Variants in RTN1 observed in about 807,000 individuals in gnomAD.
RTN1 encodes the protein reticulon-1.
A neutral mutation model predicts 65.5 loss-of-function variants in RTN1; 25 were observed. The observed-to-expected ratio is 0.38, with a 90% CI of 0.28 to 0.53. The LOEUF is 0.53. Ranked by LOEUF, RTN1 falls within the 20% of genes least tolerant of loss-of-function variation. RTN1 has a pLI of 0.79. For synonymous variants in RTN1, 471 were observed against 447.6 expected (o/e 1.05, Z -0.66); for missense variants, 983 against 1,025.4 (o/e 0.96, Z 0.57).
At chr14:59,867,798 C>G (rs1887824906) in intron 1 of RTN1, among the ~76,000 whole-genome samples, 1 of 152,128 alleles carries the variant, frequency 6.6e-6, no homozygotes, top group Non-Finnish European at 1.5e-5. Flanking sequence ...TAAGTTACTT[C>G]TTAGTTTGAG....
chr14:59,669,456 G>T (rs1052013613), intron 3 of RTN1, among the ~76,000 whole-genome samples: 4 of 151,986 alleles, frequency 2.6e-5, no homozygotes, highest in Admixed American at 6.6e-5. Context: ...GGCCTGTCAG[G>T]GGGATGGGGG....
chr14:59,864,650 T>C (rs909125520), intron 1 of RTN1, among the ~76,000 whole-genome samples: 34 of 152,188 alleles, frequency 2.2e-4, no homozygotes, highest in Non-Finnish European at 2.8e-4. Flanking sequence ...TAGCAAGAGT[T>C]CAATAAATAG....
In RTN1 at chr14:59,646,593, C is replaced by T. The variant is rs561451476; in HGVS notation, c.1766-39101G>A. Among the ~76,000 whole-genome samples, 3 of 152,320 alleles carry T rather than the reference C, an allele frequency of 2.0e-5. No homozygotes were observed. In the South Asian group the frequency reaches 6.2e-4, roughly 32 times the overall value. ...ACCCCATCAGGCTAGCAGCAGACCTCTCAGCAGAAACCCTACAAGCCTGAA... is the reference window on the plus strand; with the variant it reads ...ACCCCATCAGGCTAGCAGCAGACCTTTCAGCAGAAACCCTACAAGCCTGAA... On this transcript the variant is annotated intron_variant, in intron 3 of 8. Coordinates refer to ENST00000267484, the MANE Select transcript of RTN1 (RefSeq NM_021136.3).
At chr14:59,691,322 C>A (rs1883957409) in intron 3 of RTN1, among the ~76,000 whole-genome samples, 2 of 152,178 alleles carry the variant, frequency 1.3e-5, no homozygotes, top group Admixed American at 1.3e-4. Context: ...TGCACACAAA[C>A]AAGAACATCT....
chr14:59,746,282 G>A lies in RTN1; in HGVS notation c.441C>T (p.Gly147=), dbSNP rs1314611989. 1.9e-6 allele frequency: 3 copies of A among 1,613,492 alleles called. No individual in the cohort carries two copies. The highest frequency in any genetic ancestry group is 2.5e-6 in the Non-Finnish European group (3 of 1,179,728). ...TCCCAGGCACATCTGGTAAGGAGGG[G>A]CCGGGTGTACCCAGCTCCTCAGGGC... ...SESPEELGTP[G]PSLPDVPGIE... is the part of the protein sequence containing the mutation. Residue 147 remains glycine (G), a synonymous_variant, in exon 2 of 9, where the codon GGC becomes GGT. Coordinates refer to ENST00000267484, the MANE Select transcript of RTN1 (RefSeq NM_021136.3).
At chr14:59,804,138 T>C (rs993303693) in intron 1 of RTN1, among the ~76,000 whole-genome samples, 4 of 152,216 alleles carry the variant, frequency 2.6e-5, no homozygotes, top group Admixed American at 2.0e-4. Context: ...TTACATTTAA[T>C]TGTCATGTCT....
At chr14:59,850,392 T>G (rs963933436) in intron 1 of RTN1, among the ~76,000 whole-genome samples, 2 of 152,240 alleles carry the variant, frequency 1.3e-5, no homozygotes, top group Non-Finnish European at 2.9e-5. Flanking sequence ...GAAGACCTCA[T>G]GTAATTTATT....
chr14:59,726,411 C>A (rs768997), intron 3 of RTN1, among the ~76,000 whole-genome samples: 12,104 of 152,156 alleles, frequency 0.08, 1,535 homozygotes, highest in African/African-American at 0.27. Flanking sequence ...TTACCAAGGC[C>A]CAAATCCCTT....
intron 1 of RTN1, among the ~76,000 whole-genome samples, chr14:59,780,685 T>C (rs1179628971): frequency 6.6e-6 from 1 of 152,252 alleles, no homozygotes; most frequent in Admixed American, 6.5e-5. Context: ...TTTCTATTTG[T>C]TTCTTCTCAT....
chr14:59,699,904 A>C (rs1349999214), intron 3 of RTN1, among the ~76,000 whole-genome samples: 1 of 152,154 alleles, frequency 6.6e-6, no homozygotes, highest in African/African-American at 2.4e-5. Flanking sequence ...GAAAAAGAAA[A>C]GAATCAGCTT....
intron 3 of RTN1, among the ~76,000 whole-genome samples, chr14:59,678,198 G>C (rs2140219838): frequency 6.6e-6 from 1 of 152,286 alleles, no homozygotes; most frequent in African/African-American, 2.4e-5. Flanking sequence ...CCAAAGCTTA[G>C]GCAGTGGTGG....
chr14:59,605,391 G>A lies in RTN1; in HGVS notation c.2089C>T (p.Gln697Ter). Residue 697 changes from glutamine (Q) to a stop codon, truncating the protein, a stop_gained, in exon 5 of 9, where the codon CAG becomes TAG. Transcript: ENST00000267484. LOFTEE classifies it high-confidence loss of function. ...ACTTTTAAGGAATCCACCAGGTCCT[G>A]GACAAGGAAGAGCCTCCTCAGTTCC... Reference protein sequence around the residue: ...LKELRRLFLVQDLVDSLKFAV... With the variant: ...LKELRRLFLV 6.2e-7 allele frequency: 1 copy of A among 1,614,116 alleles called. No individual in the cohort carries two copies. The highest frequency in any genetic ancestry group is 8.5e-7 in the Non-Finnish European group (1 of 1,179,996).
At chr14:59,663,757 C>A (rs2140209071) in intron 3 of RTN1, among the ~76,000 whole-genome samples, 1 of 152,166 alleles carries the variant, frequency 6.6e-6, no homozygotes, top group South Asian at 2.1e-4. Flanking sequence ...TAGAGACATG[C>A]AAATCAAAAC....
At chr14:59,639,398 C>A (rs1468002576) in intron 3 of RTN1, among the ~76,000 whole-genome samples, 1 of 152,090 alleles carries the variant, frequency 6.6e-6, no homozygotes, top group African/African-American at 2.4e-5. Context: ...TTGCCACAAA[C>A]CTTCAATTTG....
At chr14:59,810,764 G>A (rs1886714550) in intron 1 of RTN1, among the ~76,000 whole-genome samples, 1 of 152,172 alleles carries the variant, frequency 6.6e-6, no homozygotes, top group Non-Finnish European at 1.5e-5. Context: ...GCGAGGTGAA[G>A]AGGACAAGGA....
At chr14:59,827,165 G>T (rs1203083588) in intron 1 of RTN1, among the ~76,000 whole-genome samples, 1 of 152,080 alleles carries the variant, frequency 6.6e-6, no homozygotes, top group Non-Finnish European at 1.5e-5. Flanking sequence ...TGCGAGCTCT[G>T]TCTCCCGGGT....
chr14:59,723,111 A>T (rs1041425809), intron 3 of RTN1, among the ~76,000 whole-genome samples: 1 of 152,128 alleles, frequency 6.6e-6, no homozygotes, highest in Non-Finnish European at 1.5e-5. Flanking sequence ...TTAACTTTGA[A>T]TTCTGTGCCA....
At chr14:59,683,453 GAA>G (rs10711795) in intron 3 of RTN1, among the ~76,000 whole-genome samples, 14 of 148,616 alleles carry the variant, frequency 9.4e-5, no homozygotes, top group African/African-American at 2.5e-4. Flanking sequence ...TTAGAAAATT[GAA>G]AAAAAAAAAG....
intron 2 of RTN1, among the ~76,000 whole-genome samples, chr14:59,731,727 A>G (rs1247496966): frequency 6.6e-6 from 1 of 152,170 alleles, no homozygotes. Context: ...TCTTCTCAAC[A>G]GTATTTGACA....
Sources: allele counts gnomAD v4.1 joint callset (sites outside exome capture counted in the v4.1 genomes callset), GRCh38; gene constraint gnomAD v4.1.1; transcripts MANE v1.5; gene names NCBI Gene and HGNC (gene_info 2026-07-23, HGNC 2026-07-21).